C1QTNF3: variants seen among roughly 807,000 people sequenced by gnomAD.
C1QTNF3 encodes C1q and TNF related 3.
In C1QTNF3, 26 loss-of-function variants were observed where a neutral mutation model predicts 32.6. The observed-to-expected ratio is 0.80, with a 90% CI of 0.58 to 1.11. C1QTNF3 has a LOEUF of 1.11. C1QTNF3 is among the 50% of genes least tolerant of loss of function. The pLI is 0.00. For missense variants in C1QTNF3, 362 were observed against 398.2 expected (o/e 0.91, Z 0.77); for synonymous variants, 155 against 146.0 (o/e 1.06, Z -0.44).
At chr5:34,132,449 A>G in the C1QTNF3 span, among the ~76,000 whole-genome samples, 305 of 32,092 alleles carry the variant, frequency 9.5e-3, 6 homozygotes, top group Non-Finnish European at 0.018. Context: ...ATATATATAT[A>G]TATATATATA....
the C1QTNF3 span, among the ~76,000 whole-genome samples, chr5:34,181,935 C>T: frequency 6.6e-6 from 1 of 152,352 alleles, no homozygotes; most frequent in East Asian, 1.9e-4. Context: ...GGAATCCCTA[C>T]ACTTTGGGAG....
At chr5:34,025,469 A>G (rs1361039179) in intron 4 of C1QTNF3, among the ~76,000 whole-genome samples, 2 of 152,242 alleles carry the variant, frequency 1.3e-5, no homozygotes, top group East Asian at 1.9e-4. Flanking sequence ...AGTATGTATT[A>G]TACCCACATG....
chr5:34,234,467 T>TA, the C1QTNF3 span, among the ~76,000 whole-genome samples: 5 of 152,272 alleles, frequency 3.3e-5, no homozygotes, highest in South Asian at 2.1e-4. Context: ...GTAAACAACT[T>TA]AAAGTTTTGC....
the C1QTNF3 span, among the ~76,000 whole-genome samples, chr5:34,177,641 C>G: frequency 6.6e-6 from 1 of 151,990 alleles, no homozygotes; most frequent in Admixed American, 6.5e-5. Context: ...TACATGCCAC[C>G]ACACCCAGCT....
chr5:34,054,718 C>A, the C1QTNF3 span, among the ~76,000 whole-genome samples: 1 of 151,548 alleles, frequency 6.6e-6, no homozygotes, highest in African/African-American at 2.4e-5. Flanking sequence ...TTTAAAAGGG[C>A]AATAAGTGGT....
At chr5:34,074,400 A>G in the C1QTNF3 span, among the ~76,000 whole-genome samples, 18 of 151,826 alleles carry the variant, frequency 1.2e-4, no homozygotes, top group East Asian at 1.5e-3. Context: ...AAACTTGACA[A>G]TTGTCTAAGC....
chr5:34,172,409 C>A, the C1QTNF3 span, among the ~76,000 whole-genome samples: 1 of 119,122 alleles, frequency 8.4e-6, no homozygotes, highest in Non-Finnish European at 1.6e-5. Flanking sequence ...TAACTGAAAC[C>A]AGGGAAAACA....
the C1QTNF3 span, among the ~76,000 whole-genome samples, chr5:34,236,740 A>G: frequency 4.0e-5 from 6 of 151,468 alleles, no homozygotes; most frequent in African/African-American, 1.2e-4. Context: ...ATACCCAGCC[A>G]ATTTTTTGTG....
intron 3 of C1QTNF3, among the ~76,000 whole-genome samples, chr5:34,030,934 G>C (rs1426918222): frequency 6.6e-6 from 1 of 152,270 alleles, no homozygotes; most frequent in East Asian, 1.9e-4. Context: ...GCCTATGGGA[G>C]GATGGAAGGT....
At chr5:34,050,565 T>C in the C1QTNF3 span, among the ~76,000 whole-genome samples, 1 of 152,330 alleles carries the variant, frequency 6.6e-6, no homozygotes, top group East Asian at 1.9e-4. Flanking sequence ...AAATTTCCAG[T>C]ATATTTATTG....
chr5:34,067,180 C>T, the C1QTNF3 span, among the ~76,000 whole-genome samples: 1 of 152,306 alleles, frequency 6.6e-6, no homozygotes, highest in East Asian at 1.9e-4. Context: ...CAGTTTGGGG[C>T]AAAGCCATTC....
At chr5:34,223,342 C>T in the C1QTNF3 span, among the ~76,000 whole-genome samples, 1 of 150,918 alleles carries the variant, frequency 6.6e-6, no homozygotes, top group Non-Finnish European at 1.5e-5. Context: ...CTACAAAGGA[C>T]ATGAACTCAT....
chr5:34,108,165 TG>T, the C1QTNF3 span, among the ~76,000 whole-genome samples: 8 of 152,096 alleles, frequency 5.3e-5, no homozygotes, highest in Admixed American at 1.3e-4. Context: ...CAATACAACA[TG>T]TTTTTTTGTT....
the C1QTNF3 span, among the ~76,000 whole-genome samples, chr5:34,099,205 C>A: frequency 6.6e-6 from 1 of 152,022 alleles, no homozygotes; most frequent in Admixed American, 6.6e-5. Flanking sequence ...GTAAATTAGA[C>A]TGTTATTAAC....
the C1QTNF3 span, among the ~76,000 whole-genome samples, chr5:34,239,614 C>T: frequency 6.6e-6 from 1 of 151,876 alleles, no homozygotes; most frequent in African/African-American, 2.4e-5. Flanking sequence ...TAAATGCACC[C>T]AACATGGAGC....
At chr5:34,182,438 T>C in the C1QTNF3 span, among the ~76,000 whole-genome samples, 1 of 152,302 alleles carries the variant, frequency 6.6e-6, no homozygotes, top group African/African-American at 2.4e-5. Context: ...GATCAGGCCA[T>C]TGCGTTCCAG....
chr5:34,130,155 A>C, the C1QTNF3 span, among the ~76,000 whole-genome samples: 1 of 152,070 alleles, frequency 6.6e-6, no homozygotes, highest in Middle Eastern at 3.4e-3. Flanking sequence ...ACACACATAC[A>C]TACATATATA....
At chr5:34,175,719 C>G in the C1QTNF3 span, 63 of 648,852 alleles carry the variant, frequency 9.7e-5, no homozygotes, top group Middle Eastern at 4.3e-4. Context: ...CAGCTTCCCC[C>G]CTTTGTTTCC....
chr5:34,165,837 G>A, the C1QTNF3 span: 2 of 147,474 alleles, frequency 1.4e-5, no homozygotes, highest in African/African-American at 2.5e-5. Flanking sequence ...AACTCCATGA[G>A]CTGATTAATT....
Sources: allele counts gnomAD v4.1 joint callset (sites outside exome capture counted in the v4.1 genomes callset), GRCh38; gene constraint gnomAD v4.1.1; transcripts MANE v1.5; gene names NCBI Gene and HGNC (gene_info 2026-07-23, HGNC 2026-07-21).